LARGE1: variants seen among roughly 807,000 people sequenced by gnomAD.
LARGE1 encodes the protein LARGE xylosyl- and glucuronyltransferase 1.
Under a neutral mutation model 87.6 loss-of-function variants are expected in LARGE1, and 43 were observed. That is an observed-to-expected ratio of 0.49 (90% CI 0.38 to 0.63). The LOEUF (loss-of-function observed/expected upper bound fraction) is 0.63, where lower values mean the gene tolerates loss of function less well. Among genes scored for constraint, LARGE1 ranks in the 30% least tolerant of loss-of-function variants. The pLI, the probability that LARGE1 is intolerant of heterozygous loss-of-function variation, is 0.00. For synonymous variants in LARGE1, 434 were observed against 394.6 expected, an observed-to-expected ratio of 1.10 and a Z score of -1.18; for missense variants, 802 against 1,000.2, an observed-to-expected ratio of 0.80 and a Z score of 2.67.
chr22:33,141,194 T>TCACA, the LARGE1 span, among the ~76,000 whole-genome samples: 73 of 141,818 alleles, frequency 5.1e-4, no homozygotes, highest in African/African-American at 1.2e-3. Context: ...TCTCTCTCTC[T>TCACA]CACACACACA....
intron 1 of LARGE1, among the ~76,000 whole-genome samples, chr22:33,867,580 T>C (rs1238763493): frequency 6.6e-6 from 1 of 152,182 alleles, no homozygotes; most frequent in Non-Finnish European, 1.5e-5. Context: ...CTATGCTGCC[T>C]GCGTTTCTAT....
intron 1 of LARGE1, among the ~76,000 whole-genome samples, chr22:33,903,468 A>G (rs1414851669): frequency 6.6e-6 from 1 of 152,094 alleles, no homozygotes; most frequent in Non-Finnish European, 1.5e-5. Flanking sequence ...ATAAAATCAC[A>G]TAACAGTTAA....
At chr22:33,086,189 T>C in the LARGE1 span, among the ~76,000 whole-genome samples, 1 of 152,152 alleles carries the variant, frequency 6.6e-6, no homozygotes, top group South Asian at 2.1e-4. Flanking sequence ...TCCAATAAAT[T>C]TGGATTTTTA....
intron 9 of LARGE1, among the ~76,000 whole-genome samples, chr22:33,339,417 T>C (rs1259504574): frequency 1.3e-5 from 2 of 152,060 alleles, no homozygotes; most frequent in East Asian, 3.9e-4. Context: ...GGTCATGCCC[T>C]GGACCTGAGA....
chr22:33,499,963 G>A (rs1021345626), intron 6 of LARGE1, among the ~76,000 whole-genome samples: 3 of 152,034 alleles, frequency 2.0e-5, no homozygotes, highest in East Asian at 1.9e-4. Context: ...TAGTAGAGAC[G>A]GGGTTTCACC....
intron 9 of LARGE1, among the ~76,000 whole-genome samples, chr22:33,379,305 G>A (rs1370476175): frequency 6.7e-6 from 1 of 148,258 alleles, no homozygotes; most frequent in African/African-American, 2.5e-5. Context: ...GGGTACATGT[G>A]CACAACGTGC....
intron 2 of LARGE1, among the ~76,000 whole-genome samples, chr22:33,684,787 T>C (rs1020001956): frequency 2.0e-5 from 3 of 152,174 alleles, no homozygotes; most frequent in Non-Finnish European, 4.4e-5. Flanking sequence ...CTTCCCTTTT[T>C]TCCATCAAAA....
chr22:33,707,217 C>T (rs889064064), intron 2 of LARGE1, among the ~76,000 whole-genome samples: 1 of 152,224 alleles, frequency 6.6e-6, no homozygotes, highest in African/African-American at 2.4e-5. Context: ...ACACTAGATG[C>T]ATCTGTCAGG....
intron 9 of LARGE1, among the ~76,000 whole-genome samples, chr22:33,377,750 C>T (rs1467723878): frequency 8.6e-5 from 13 of 152,046 alleles, no homozygotes; most frequent in African/African-American, 3.1e-4. Flanking sequence ...CTCAGTTTTT[C>T]TATCTCTTTT....
intron 6 of LARGE1, among the ~76,000 whole-genome samples, chr22:33,455,559 C>T (rs555596256): frequency 6.6e-6 from 1 of 151,986 alleles, no homozygotes; most frequent in South Asian, 2.1e-4. Flanking sequence ...TCAAGACCAG[C>T]ATGGCCAACA....
chr22:33,202,391 G>A (rs947528602), intron 11 of LARGE1, among the ~76,000 whole-genome samples: 4 of 152,136 alleles, frequency 2.6e-5, no homozygotes, highest in Admixed American at 1.3e-4. Context: ...CTTTTTACAC[G>A]AGAACTGTCC....
chr22:33,561,067 G>A (rs528703329), intron 6 of LARGE1, among the ~76,000 whole-genome samples: 18 of 152,310 alleles, frequency 1.2e-4, no homozygotes, highest in African/African-American at 3.8e-4. Context: ...GCCGGGCTCG[G>A]CCTCCCAAAG....
Position 33,610,315 on chromosome 22 carries a change from A to G in LARGE1, c.492-5757T>C, listed in dbSNP as rs896836441. 2.6e-5 allele frequency among the ~76,000 whole-genome samples: 4 copies of G among 152,346 alleles called. No homozygotes were observed. The South Asian group carries it at 8.3e-4, about 32-fold the overall frequency. The stretch of plus-strand genomic sequence containing the variant: ...GGTTGTGACCAAAATGCAGATAGTG[A>G]TAAGGACACTGAAGTCCAGTCTGAC... On this transcript the variant is annotated intron_variant, in intron 4 of 14. Coordinates refer to ENST00000397394, the MANE Select transcript of LARGE1 (RefSeq NM_133642.5).
chr22:33,482,828 T>C (rs2069388321), intron 6 of LARGE1, among the ~76,000 whole-genome samples: 1 of 152,096 alleles, frequency 6.6e-6, no homozygotes, highest in African/African-American at 2.4e-5. Flanking sequence ...CCTATTGAGG[T>C]GTTGGGAAGC....
At chr22:33,652,359 T>TAAA (rs143972711) in intron 2 of LARGE1, among the ~76,000 whole-genome samples, 3 of 149,968 alleles carry the variant, frequency 2.0e-5, no homozygotes, top group African/African-American at 7.4e-5. Context: ...GAGCTAACAT[T>TAAA]AAAAAAAAAC....
intron 12 of LARGE1, among the ~76,000 whole-genome samples, chr22:33,293,355 T>C (rs923049611): frequency 6.6e-6 from 1 of 152,218 alleles, no homozygotes; most frequent in Non-Finnish European, 1.5e-5. Flanking sequence ...CATACTCATA[T>C]TTTCAGTTTA....
chr22:33,852,026 T>A (rs2063598091), intron 1 of LARGE1, among the ~76,000 whole-genome samples: 1 of 152,172 alleles, frequency 6.6e-6, no homozygotes, highest in Admixed American at 6.5e-5. Context: ...CTCTATATTG[T>A]ATTCTGTGAA....
chr22:33,501,423 T>C (rs2070430830), intron 6 of LARGE1, among the ~76,000 whole-genome samples: 1 of 152,118 alleles, frequency 6.6e-6, no homozygotes, highest in Non-Finnish European at 1.5e-5. Context: ...CACTTACACC[T>C]GCGATGATCA....
At chr22:33,375,845 T>G (rs1288266652) in intron 9 of LARGE1, among the ~76,000 whole-genome samples, 1 of 152,138 alleles carries the variant, frequency 6.6e-6, no homozygotes, top group Non-Finnish European at 1.5e-5. Flanking sequence ...GCTCCTGGGG[T>G]GAAGCAGTTC....
Sources: allele counts gnomAD v4.1 joint callset (sites outside exome capture counted in the v4.1 genomes callset), GRCh38; gene constraint gnomAD v4.1.1; transcripts MANE v1.5; gene names NCBI Gene and HGNC (gene_info 2026-07-23, HGNC 2026-07-21).